The following HSD17B11 variants were observed in gnomAD, a reference collection of about 807,000 sequenced individuals.
The protein encoded by HSD17B11 is hydroxysteroid 17-beta dehydrogenase 11, also known as estradiol 17-beta-dehydrogenase 11.
Under a neutral mutation model 27.8 loss-of-function variants are expected in HSD17B11, and 22 were observed. That is an observed-to-expected ratio of 0.79 (90% CI 0.56 to 1.13). The LOEUF is 1.13. Among genes scored for constraint, HSD17B11 ranks in the 50% most tolerant of loss-of-function variants. The probability of loss-of-function intolerance (pLI) is 0.00; values close to 1 mark genes in which losing one functional copy is unlikely to be tolerated. For synonymous variants in HSD17B11, 117 were observed against 132.8 expected, an observed-to-expected ratio of 0.88 and a Z score of 0.82; for missense variants, 314 against 351.1, an observed-to-expected ratio of 0.89 and a Z score of 0.84.
At chr4:87,355,697 A>C (rs973450818) in intron 5 of HSD17B11, among the ~76,000 whole-genome samples, 2 of 152,172 alleles carry the variant, frequency 1.3e-5, no homozygotes, top group Non-Finnish European at 2.9e-5. Context: ...TGAGGCCTGG[A>C]GTTTGAGAAC....
chr4:87,339,824 AT>A (rs2110111555), intron 6 of HSD17B11, among the ~76,000 whole-genome samples: 1 of 152,358 alleles, frequency 6.6e-6, no homozygotes, highest in Non-Finnish European at 1.5e-5. Flanking sequence ...AGGCAGCAGC[AT>A]TTTTTAAACT....
intron 6 of HSD17B11, among the ~76,000 whole-genome samples, chr4:87,337,978 G>C (rs1404320929): frequency 6.6e-6 from 1 of 152,234 alleles, no homozygotes. Context: ...AGCACTTTGG[G>C]AGGCAGAGGC....
Position 87,382,248 on chromosome 4 carries a change from A to G in HSD17B11, c.318+7T>C. ...TGATATGATTCTAACTAAACACAACATTTCACCTTCTTTGCAGAGCTGTAA... is the reference window on the plus strand; with the variant it reads ...TGATATGATTCTAACTAAACACAACGTTTCACCTTCTTTGCAGAGCTGTAA... On this transcript the variant is annotated splice_region_variant and intron_variant, in intron 2 of 6. Coordinates refer to ENST00000358290, the MANE Select transcript of HSD17B11 (RefSeq NM_016245.5). 6.2e-7 allele frequency: 1 copy of G among 1,603,116 alleles called. No homozygotes were observed. The highest frequency in any genetic ancestry group is 8.5e-7 in the Non-Finnish European group (1 of 1,170,220).
In HSD17B11 at chr4:87,358,950, TG is replaced by T. The variant is rs370062825; in HGVS notation, c.558-1535del. Among the ~76,000 whole-genome samples the T allele has an allele frequency of 4.3e-3, 652 of 152,266 alleles. 3 individuals are homozygous for T. Among genetic ancestry groups the T allele is most frequent in the African/African-American group, 0.015 (616 of 41,562 alleles). ...GCACTGGTGGGAGGTGACTGGATCGTGGGGGCAGTTTTCCCCATGCTGTTCT... is the reference window on the plus strand; with the variant it reads ...GCACTGGTGGGAGGTGACTGGATCGTGGGGCAGTTTTCCCCATGCTGTTCT... On this transcript the variant is annotated intron_variant, in intron 4 of 6. Coordinates refer to ENST00000358290, the MANE Select transcript of HSD17B11 (RefSeq NM_016245.5).
intron 1 of HSD17B11, 124 bp from the exon 2 acceptor site, chr4:87,382,486 T>C: frequency 1.7e-6 from 1 of 602,730 alleles, no homozygotes; most frequent in South Asian, 2.8e-5. Context: ...TTGGGCAAGA[T>C]TGTTAACAAC....
chr4:87,375,255 CA>C (rs1735797381), intron 2 of HSD17B11, among the ~76,000 whole-genome samples: 1 of 152,110 alleles, frequency 6.6e-6, no homozygotes, highest in African/African-American at 2.4e-5. Flanking sequence ...TTTTGCAATC[CA>C]TGTGTCAACA....
At chr4:87,338,232 A>C (rs1578451033) in intron 6 of HSD17B11, among the ~76,000 whole-genome samples, 1 of 148,762 alleles carries the variant, frequency 6.7e-6, no homozygotes, top group Admixed American at 6.6e-5. Context: ...GCACCCCCCC[A>C]AAAAATGTCT....
intron 2 of HSD17B11, among the ~76,000 whole-genome samples, chr4:87,377,403 T>C (rs758112358): frequency 6.6e-6 from 1 of 151,966 alleles, no homozygotes; most frequent in Non-Finnish European, 1.5e-5. Flanking sequence ...TGAGCTGAGA[T>C]TGCGCCACTG....
chr4:87,382,338 T>C lies in HSD17B11; in HGVS notation c.235A>G (p.Lys79Glu). Residue 79 changes from lysine (K) to glutamate (E), a missense_variant, in exon 2 of 7, where the codon AAA (lysine) becomes GAA (glutamate). By Grantham distance (56) the Lys-to-Glu change is moderately conservative (BLOSUM62 1). Transcript: ENST00000358290. ...NKHGLEETAA[K>E]CKGLGAKVHT... ...ACCTTGGCACCCAGTCCCTTGCATT[T>C]GGCAGCTGTTTCCTCCAGTCCATGC... 1 of 1,613,850 alleles carries C rather than the reference T, an allele frequency of 6.2e-7. No homozygotes were observed. Among genetic ancestry groups the C allele is most frequent in the Non-Finnish European group, 8.5e-7 (1 of 1,179,770 alleles).
chr4:87,385,233 G>T (rs1720277270), intron 1 of HSD17B11, among the ~76,000 whole-genome samples: 1 of 152,054 alleles, frequency 6.6e-6, no homozygotes, highest in African/African-American at 2.4e-5. Context: ...ATACACATAG[G>T]ATAGAATATT....
chr4:87,357,949 ATTTTTTTTTTTTTT>A lies in HSD17B11; in HGVS notation c.558-547_558-534del, dbSNP rs57139706. 2.1e-4 allele frequency among the ~76,000 whole-genome samples: 17 copies of A among 80,240 alleles called. No individual in the cohort carries two copies. In the East Asian group the frequency reaches 2.4e-3, roughly 11 times the overall value. 52.6% of individuals were successfully genotyped at this position (80,240 alleles called of 152,430 possible). A position where few individuals can be genotyped will look rare whatever the true frequency, so the allele number is the denominator to read the frequency against. On this transcript the variant is annotated intron_variant, in intron 4 of 6. Coordinates refer to ENST00000358290, the MANE Select transcript of HSD17B11 (RefSeq NM_016245.5). ...TTGTAACTGAACATTCATTAGAGAA[ATTTTTTTTTTTTTT>A]TTTTTTTTTTTTTTTTGAGACAGAG...
At chr4:87,358,880 T>A (rs569615792) in intron 4 of HSD17B11, among the ~76,000 whole-genome samples, 86 of 152,290 alleles carry the variant, frequency 5.6e-4, no homozygotes, top group African/African-American at 2.0e-3. Context: ...CCAAATCTCA[T>A]CAACAATTGT....
At chr4:87,353,692 G>A (rs1035173698) in intron 5 of HSD17B11, among the ~76,000 whole-genome samples, 5 of 152,296 alleles carry the variant, frequency 3.3e-5, no homozygotes, top group Admixed American at 1.3e-4. Flanking sequence ...AGGAGAGGGC[G>A]CTGGAGCCCA....
At chr4:87,347,116 C>CTTTT (rs70957224) in intron 5 of HSD17B11, among the ~76,000 whole-genome samples, 352 of 44,300 alleles carry the variant, frequency 7.9e-3, no homozygotes, top group Middle Eastern at 0.027. Context: ...TTTTTTTTTT[C>CTTTT]TTTTTTTTTT....
intron 2 of HSD17B11, among the ~76,000 whole-genome samples, chr4:87,377,449 CAA>C (rs35761085): frequency 0.063 from 8,539 of 135,220 alleles, 819 homozygotes; most frequent in African/African-American, 0.21. Flanking sequence ...GACTCTGTCT[CAA>C]AAAAAAAAAA....
chr4:87,384,970 C>T (rs553214264), intron 1 of HSD17B11, among the ~76,000 whole-genome samples: 3 of 152,172 alleles, frequency 2.0e-5, no homozygotes, highest in African/African-American at 7.2e-5. Flanking sequence ...TAAAATTTCT[C>T]TTTATACTGT....
intron 4 of HSD17B11, among the ~76,000 whole-genome samples, chr4:87,363,744 G>A (rs75105708): frequency 0.03 from 4,645 of 152,322 alleles, 93 homozygotes; most frequent in Middle Eastern, 0.065. Flanking sequence ...AATAGACACT[G>A]CCCAGACCTG....
chr4:87,381,629 C>T (rs1167791773), intron 2 of HSD17B11, among the ~76,000 whole-genome samples: 5 of 151,548 alleles, frequency 3.3e-5, no homozygotes, highest in Non-Finnish European at 7.4e-5. Context: ...CGTGGTGGCA[C>T]ACACCTGTGG....
At chr4:87,380,927 TC>T (rs1423685507) in intron 2 of HSD17B11, among the ~76,000 whole-genome samples, 1 of 136,114 alleles carries the variant, frequency 7.3e-6, no homozygotes, top group Non-Finnish European at 1.6e-5. Context: ...ACGCGTGTAA[TC>T]CCAGCACTTT....
Sources: allele counts gnomAD v4.1 joint callset (sites outside exome capture counted in the v4.1 genomes callset), GRCh38; gene constraint gnomAD v4.1.1; transcripts MANE v1.5; gene names NCBI Gene and HGNC (gene_info 2026-07-23, HGNC 2026-07-21).